The following DNAH14 variants were observed in gnomAD, a reference collection of about 807,000 sequenced individuals.
DNAH14 encodes the protein axonemal beta dynein heavy chain 14.
DNAH14 carries 478 observed loss-of-function variants against 520.9 expected under a neutral mutation model. The observed-to-expected ratio is 0.92, with a 90% CI of 0.85 to 0.99. DNAH14 has a LOEUF of 0.99. Ranked by LOEUF, DNAH14 falls within the 50% of genes least tolerant of loss-of-function variation. The pLI is 0.00. For synonymous variants in DNAH14, 1,581 were observed against 1,757.2 expected (o/e 0.90, Z 2.51); for missense variants, 4,831 against 5,234.5 (o/e 0.92, Z 2.38).
At position 225,013,159 on chromosome 1, in the gene DNAH14, T is replaced by C. The variant is rs375773752; in HGVS notation, c.1107+5615T>C. On this transcript the variant is annotated intron_variant, in intron 10 of 85. Transcript: ENST00000682510. Reference sequence around the variant, plus strand: ...CAGATGGAGTTTTTGCATGGTCATTTTTTTTTTGTTGATGTTGATTCCATT... The same window carrying C: ...CAGATGGAGTTTTTGCATGGTCATTCTTTTTTTGTTGATGTTGATTCCATT... 5.3e-5 allele frequency among the ~76,000 whole-genome samples: 8 copies of C among 152,268 alleles called. 1 individual carries two copies. In the East Asian group the frequency reaches 1.5e-3, roughly 29 times the overall value.
intron 53 of DNAH14, among the ~76,000 whole-genome samples, chr1:225,276,326 T>C (rs1026245776): frequency 1.3e-5 from 2 of 152,136 alleles, no homozygotes; most frequent in African/African-American, 2.4e-5. Context: ...ATTTGTCTCA[T>C]TTGATAGGGT....
chr1:225,278,149 A>T (rs1558246301), intron 54 of DNAH14, among the ~76,000 whole-genome samples: 1 of 152,024 alleles, frequency 6.6e-6, no homozygotes, highest in Non-Finnish European at 1.5e-5. Context: ...ATTTAAACAG[A>T]CATATGCAAC....
At chr1:225,055,790 G>GT (rs1469764237) in intron 17 of DNAH14, among the ~76,000 whole-genome samples, 2 of 151,106 alleles carry the variant, frequency 1.3e-5, no homozygotes, top group Admixed American at 6.6e-5. Context: ...GTGGTGTTTG[G>GT]TTTTTTGTCC....
intron 28 of DNAH14, among the ~76,000 whole-genome samples, chr1:225,143,730 A>AC (rs2079660096): frequency 6.6e-6 from 1 of 152,174 alleles, no homozygotes; most frequent in African/African-American, 2.4e-5. Context: ...TTAAAAAAAA[A>AC]CATAAAATTC....
chr1:225,085,569 A>G lies in DNAH14; in HGVS notation c.3353A>G (p.Asn1118Ser), dbSNP rs777785864. The G allele has an allele frequency of 2.8e-5, 44 of 1,547,164 alleles. No individual in the cohort carries two copies. The African/African-American group carries it at 5.6e-4, about 20-fold the overall frequency. The change falls in exon 21 of 86, where the codon AAT becomes AGT. Residue 1118 changes from asparagine (N) to serine (S), a missense_variant. Physicochemically the swap from Asn to Ser is conservative, Grantham distance 46 (BLOSUM62 1). Coordinates refer to ENST00000682510, the MANE Select transcript of DNAH14 (RefSeq NM_001367479.1). ...LKMFQYENEI[N>S]DMSTSATNEA... ...ATGTTTCAGTATGAAAATGAAATAA[A>G]TGATATGTCAACCTCAGCAACTAAT...
rs751001112 is a variant in DNAH14, at chr1:225,202,228, A to G, written c.5887-1955A>G. Among the ~76,000 whole-genome samples, 4 of 152,272 alleles carry G rather than the reference A, an allele frequency of 2.6e-5. No individual in the cohort carries two copies. The South Asian group carries it at 6.2e-4, about 24-fold the overall frequency. Reference sequence around the variant, plus strand: ...CAGCTGTGGTAGTATGGGGAGGAACAGGCAGTGGGCAGGCCCTAGAACTCC... The same window carrying G: ...CAGCTGTGGTAGTATGGGGAGGAACGGGCAGTGGGCAGGCCCTAGAACTCC... On this transcript the variant is annotated intron_variant, in intron 38 of 85. Coordinates refer to ENST00000682510, the MANE Select transcript of DNAH14 (RefSeq NM_001367479.1).
chr1:225,312,730 A>G (rs1574694595), intron 60 of DNAH14, among the ~76,000 whole-genome samples: 2 of 152,074 alleles, frequency 1.3e-5, no homozygotes, highest in South Asian at 4.1e-4. Context: ...TAGTTCTGTT[A>G]ATGTGATGGA....
intron 37 of DNAH14, among the ~76,000 whole-genome samples, chr1:225,186,730 T>TA: frequency 6.6e-6 from 1 of 152,010 alleles, no homozygotes; most frequent in Non-Finnish European, 1.5e-5. Flanking sequence ...CATAATGTTA[T>TA]ATGCTGAGAA....
intron 60 of DNAH14, among the ~76,000 whole-genome samples, chr1:225,315,256 C>T (rs909114960): frequency 4.0e-5 from 6 of 151,590 alleles, no homozygotes; most frequent in African/African-American, 1.2e-4. Flanking sequence ...GTATGCTTCA[C>T]GAAGTTTTCG....
chr1:225,393,752 C>T (rs1016841859), intron 84 of DNAH14, among the ~76,000 whole-genome samples: 24 of 151,936 alleles, frequency 1.6e-4, no homozygotes, highest in Admixed American at 1.1e-3. Context: ...TGCCAACACT[C>T]GGTATTTTTA....
chr1:225,263,812 T>C (rs2093021466), intron 46 of DNAH14, among the ~76,000 whole-genome samples: 2 of 152,116 alleles, frequency 1.3e-5, no homozygotes, highest in Non-Finnish European at 2.9e-5. Flanking sequence ...GACAACTATT[T>C]TCTATCAAAC....
intron 11 of DNAH14, among the ~76,000 whole-genome samples, chr1:225,028,838 C>T (rs945753152): frequency 3.9e-5 from 6 of 151,996 alleles, no homozygotes; most frequent in Non-Finnish European, 8.8e-5. Context: ...AACTCTAGTA[C>T]ATGGCTGGTG....
intron 64 of DNAH14, among the ~76,000 whole-genome samples, chr1:225,330,610 A>G (rs1386359084): frequency 4.6e-5 from 7 of 152,196 alleles, no homozygotes; most frequent in African/African-American, 1.4e-4. Context: ...AATCAAAACA[A>G]TTGAACTCAT....
At chr1:224,959,256 TTCTC>T (rs1290671760) in intron 3 of DNAH14, among the ~76,000 whole-genome samples, 1 of 152,076 alleles carries the variant, frequency 6.6e-6, no homozygotes, top group Non-Finnish European at 1.5e-5. Flanking sequence ...TTTCTTATCT[TTCTC>T]TCATCCCCAG....
intron 17 of DNAH14, among the ~76,000 whole-genome samples, chr1:225,069,222 G>A (rs1481231939): frequency 6.6e-6 from 1 of 152,136 alleles, no homozygotes; most frequent in East Asian, 1.9e-4. Context: ...AGTTGCCCTG[G>A]TCAGAACTTG....
At chr1:225,340,813 AG>A in intron 69 of DNAH14, 112 bp downstream of exon 69, 1 of 1,267,376 alleles carries the variant, frequency 7.9e-7, no homozygotes, top group East Asian at 2.6e-5. Flanking sequence ...CATTTCCACC[AG>A]GTAACTGATA....
intron 38 of DNAH14, among the ~76,000 whole-genome samples, chr1:225,202,708 G>A (rs548922654): frequency 6.6e-6 from 1 of 152,304 alleles, no homozygotes; most frequent in African/African-American, 2.4e-5. Flanking sequence ...CTGACCAGGA[G>A]ACTTCTCAAT....
chr1:225,049,752 A>ATCTG (rs1365117359), intron 15 of DNAH14, among the ~76,000 whole-genome samples: 2 of 147,424 alleles, frequency 1.4e-5, no homozygotes, highest in South Asian at 2.2e-4. Context: ...AGGTTTGTTT[A>ATCTG]TCTATCTGTC....
intron 1 of DNAH14, among the ~76,000 whole-genome samples, chr1:224,940,572 C>T (rs1257072309): frequency 1.3e-5 from 2 of 151,606 alleles, no homozygotes; most frequent in Non-Finnish European, 2.9e-5. Flanking sequence ...GCACAATGTG[C>T]AGGTTAGTTA....
Sources: allele counts gnomAD v4.1 joint callset (sites outside exome capture counted in the v4.1 genomes callset), GRCh38; gene constraint gnomAD v4.1.1; transcripts MANE v1.5; gene names NCBI Gene and HGNC (gene_info 2026-07-23, HGNC 2026-07-21).